The following PTPRD variants were observed in gnomAD, a reference collection of about 807,000 sequenced individuals.
The protein encoded by PTPRD is receptor-type tyrosine-protein phosphatase delta.
A neutral mutation model predicts 214.5 loss-of-function variants in PTPRD; 34 were observed. The ratio of observed to expected loss-of-function variants is 0.16; its 90% CI spans 0.12 to 0.21. The LOEUF (loss-of-function observed/expected upper bound fraction) is 0.21. Ranked by LOEUF, PTPRD falls within the 10% of genes least tolerant of loss-of-function variation. The probability of loss-of-function intolerance (pLI) is 1.00; values close to 1 mark genes in which losing one functional copy is unlikely to be tolerated. For missense variants in PTPRD, 2,545 were observed against 2,398.7 expected, an observed-to-expected ratio of 1.06 and a Z score of -1.27; for synonymous variants, 1,128 against 845.7, an observed-to-expected ratio of 1.33 and a Z score of -5.79.
At chr9:10,447,248 G>A (rs1486626063) in intron 2 of PTPRD, among the ~76,000 whole-genome samples, 6 of 151,942 alleles carry the variant, frequency 3.9e-5, no homozygotes, top group Non-Finnish European at 4.4e-5. Flanking sequence ...AGCTAATTTT[G>A]TAGTCTACAC....
chr9:9,492,092 T>C (rs903369346), intron 8 of PTPRD, among the ~76,000 whole-genome samples: 1 of 151,740 alleles, frequency 6.6e-6, no homozygotes, highest in Non-Finnish European at 1.5e-5. Flanking sequence ...ATAAAAAGGA[T>C]TATAAGAGAA....
chr9:10,105,610 C>G (rs1007358748), intron 3 of PTPRD, among the ~76,000 whole-genome samples: 1 of 151,802 alleles, frequency 6.6e-6, no homozygotes, highest in African/African-American at 2.4e-5. Context: ...ATTTGCCCAT[C>G]TCTCACTCCC....
At chr9:9,150,130 G>T (rs1223217118) in intron 10 of PTPRD, among the ~76,000 whole-genome samples, 3 of 152,064 alleles carry the variant, frequency 2.0e-5, no homozygotes, top group Non-Finnish European at 4.4e-5. Context: ...AAACTTAAAA[G>T]GTTGCTTTCT....
At chr9:8,759,923 G>A (rs918316854) in intron 11 of PTPRD, among the ~76,000 whole-genome samples, 1 of 152,122 alleles carries the variant, frequency 6.6e-6, no homozygotes, top group Non-Finnish European at 1.5e-5. Context: ...TAACTGACAG[G>A]ACCTATCCAG....
chr9:9,209,537 T>A (rs2099947190), intron 9 of PTPRD, among the ~76,000 whole-genome samples: 1 of 152,206 alleles, frequency 6.6e-6, no homozygotes. Flanking sequence ...GCATATTTTT[T>A]AAATCTTAGA....
At chr9:9,894,804 C>T (rs1215669293) in intron 5 of PTPRD, among the ~76,000 whole-genome samples, 1 of 152,000 alleles carries the variant, frequency 6.6e-6, no homozygotes, top group Non-Finnish European at 1.5e-5. Context: ...CTGTTACATA[C>T]ACGGTAATAA....
rs575433666 is a variant in PTPRD at position 10,054,648 on chromosome 9, T to G, written c.-544-20858A>C. On this transcript the variant is annotated intron_variant, in intron 3 of 45. Coordinates refer to ENST00000381196, the MANE Select transcript of PTPRD (RefSeq NM_002839.4). ...TAGGGCCCCTGTTTTTCTGTTTCAC[T>G]GGGAGAGTAGGAGTCTAACTTCAAT... Among the ~76,000 whole-genome samples, 13 of 152,244 alleles carry G rather than the reference T, an allele frequency of 8.5e-5. No homozygotes were observed. The South Asian group carries it at 1.2e-3, about 15-fold the overall frequency.
intron 7 of PTPRD, among the ~76,000 whole-genome samples, chr9:9,618,263 A>G (rs1443041736): frequency 1.3e-5 from 2 of 151,840 alleles, no homozygotes; most frequent in African/African-American, 4.8e-5. Flanking sequence ...TCATTATACT[A>G]ACCCTTCCGG....
chr9:8,865,218 G>C (rs1057003178), intron 11 of PTPRD, among the ~76,000 whole-genome samples: 2 of 152,100 alleles, frequency 1.3e-5, no homozygotes, highest in African/African-American at 4.8e-5. Context: ...AAATTTTTCA[G>C]TACAGGAGGC....
intron 10 of PTPRD, among the ~76,000 whole-genome samples, chr9:9,058,023 T>C (rs2099699496): frequency 6.6e-6 from 1 of 152,218 alleles, no homozygotes; most frequent in Non-Finnish European, 1.5e-5. Flanking sequence ...AATACTCTAT[T>C]GTTTAGAAAG....
intron 10 of PTPRD, among the ~76,000 whole-genome samples, chr9:9,102,404 A>C (rs1452525431): frequency 1.3e-5 from 2 of 152,186 alleles, no homozygotes; most frequent in Non-Finnish European, 2.9e-5. Flanking sequence ...ATTGAACCAG[A>C]ATCACGCTGC....
chr9:10,376,791 G>C (rs1164712368), intron 2 of PTPRD, among the ~76,000 whole-genome samples: 1 of 151,792 alleles, frequency 6.6e-6, no homozygotes, highest in African/African-American at 2.4e-5. Context: ...CATAGGAAGT[G>C]TATACTTATG....
At chr9:8,380,303 A>C (rs1408680079) in intron 37 of PTPRD, among the ~76,000 whole-genome samples, 2 of 152,056 alleles carry the variant, frequency 1.3e-5, no homozygotes, top group African/African-American at 4.8e-5. Flanking sequence ...TTGTTCTTCA[A>C]ATAGGTGGTT....
chr9:8,318,067 C>A, intron 45 of PTPRD, 125 bp from the exon 46 acceptor site: 2 of 802,474 alleles, frequency 2.5e-6, no homozygotes, highest in African/African-American at 1.8e-5. Flanking sequence ...CTACTTTCGT[C>A]AACTGGTCTA....
intron 5 of PTPRD, among the ~76,000 whole-genome samples, chr9:9,787,143 A>AC (rs1565256812): frequency 7.9e-5 from 10 of 126,708 alleles, no homozygotes; most frequent in African/African-American, 1.2e-4. Flanking sequence ...TCTCAATTTA[A>AC]TAAAAAAAAA....
At chr9:8,832,055 T>A (rs561043230) in intron 11 of PTPRD, among the ~76,000 whole-genome samples, 2 of 152,070 alleles carry the variant, frequency 1.3e-5, no homozygotes, top group African/African-American at 4.8e-5. Flanking sequence ...AGAGCTATAA[T>A]GTGCACTGAA....
chr9:10,423,580 G>T (rs2098575636), intron 2 of PTPRD, among the ~76,000 whole-genome samples: 2 of 151,882 alleles, frequency 1.3e-5, no homozygotes, highest in Non-Finnish European at 2.9e-5. Context: ...CTCCGAGACA[G>T]TGCCAGTGGC....
At chr9:8,464,187 C>T (rs1200706367) in intron 32 of PTPRD, among the ~76,000 whole-genome samples, 1 of 151,904 alleles carries the variant, frequency 6.6e-6, no homozygotes, top group Non-Finnish European at 1.5e-5. Flanking sequence ...CTCTTCTTTG[C>T]TAGATTCTCT....
chr9:8,743,672 C>A (rs1168272174), intron 11 of PTPRD, among the ~76,000 whole-genome samples: 1 of 151,868 alleles, frequency 6.6e-6, no homozygotes, highest in East Asian at 1.9e-4. Flanking sequence ...TCAGAAAAAC[C>A]CTTCTAGACA....
Sources: gnomAD v4.1 joint callset for allele counts (sites outside exome capture counted in the v4.1 genomes callset) on GRCh38, gnomAD v4.1.1 for gene constraint, MANE v1.5 for transcripts, NCBI Gene and HGNC (gene_info 2026-07-23, HGNC 2026-07-21) for gene names.